Variants in VAV2 observed in about 807,000 individuals in gnomAD.
VAV2 encodes the protein vav guanine nucleotide exchange factor 2.
Under a neutral mutation model 132.5 loss-of-function variants are expected in VAV2, and 67 were observed. The ratio of observed to expected loss-of-function variants is 0.51; its 90% CI spans 0.42 to 0.62. VAV2 has a LOEUF of 0.62. Ranked by LOEUF, VAV2 falls within the 20% of genes least tolerant of loss-of-function variation. The probability of loss-of-function intolerance (pLI) is 0.00; values close to 1 mark genes in which losing one functional copy is unlikely to be tolerated. For synonymous variants in VAV2, 492 were observed against 443.5 expected (o/e 1.11, Z -1.37); for missense variants, 938 against 1,153.6 (o/e 0.81, Z 2.71).
rs772588253 is a variant in VAV2 at position 133,776,056 on chromosome 9, G to A, written c.1990C>T (p.Arg664Trp). 6.6e-5 allele frequency: 106 copies of A among 1,613,024 alleles called. No homozygotes were observed. Among genetic ancestry groups the A allele is most frequent in the Non-Finnish European group, 6.5e-5 (77 of 1,179,716 alleles). Reference protein sequence around the residue: ...GRPPISRPPSREIDYTAYPWF... With the variant: ...GRPPISRPPSWEIDYTAYPWF... The stretch of plus-strand genomic sequence containing the variant: ...GGGTATGCAGTGTAGTCGATCTCCC[G>A]GGATGGCGGCCGGCTGATGGGCGGC... Residue 664 changes from arginine (R) to tryptophan (W), a missense_variant, in exon 24 of 30, where the codon CGG becomes TGG. Coordinates refer to ENST00000371850, the MANE Select transcript of VAV2 (RefSeq NM_001134398.2).
chr9:133,947,810 G>C (rs1047132299), intron 1 of VAV2, among the ~76,000 whole-genome samples: 2 of 151,206 alleles, frequency 1.3e-5, no homozygotes, highest in Non-Finnish European at 2.9e-5. Context: ...GTGTGTGTGA[G>C]ACAGAGTCTC....
At chr9:133,852,835 G>A (rs1489093174) in intron 3 of VAV2, among the ~76,000 whole-genome samples, 2 of 151,992 alleles carry the variant, frequency 1.3e-5, no homozygotes, top group South Asian at 2.1e-4. Context: ...ACTCGGCTAG[G>A]GGTGCAGGGT....
chr9:133,953,911 A>T (rs1841653028), intron 1 of VAV2, among the ~76,000 whole-genome samples: 1 of 151,906 alleles, frequency 6.6e-6, no homozygotes, highest in Non-Finnish European at 1.5e-5. Context: ...TCTGCAGAAA[A>T]ACCCACTGCT....
chr9:133,937,762 G>A (rs1412830506), intron 2 of VAV2, among the ~76,000 whole-genome samples: 4 of 152,206 alleles, frequency 2.6e-5, no homozygotes, highest in Admixed American at 2.6e-4. Context: ...CAGCCCAGCA[G>A]GCAAGCCCCT....
At chr9:133,925,352 G>C (rs1410679374) in intron 2 of VAV2, among the ~76,000 whole-genome samples, 1 of 152,190 alleles carries the variant, frequency 6.6e-6, no homozygotes, top group East Asian at 1.9e-4. Context: ...AAGTAGCTGG[G>C]ATTACAGGTG....
intron 3 of VAV2, among the ~76,000 whole-genome samples, chr9:133,848,906 C>G (rs1041824481): frequency 2.0e-5 from 3 of 152,364 alleles, no homozygotes; most frequent in Admixed American, 2.0e-4. Flanking sequence ...ACCACCATGC[C>G]AAGACGTCAT....
In VAV2 at chr9:133,879,425, C is replaced by A. The variant is rs1244455238; in HGVS notation, c.322-17993G>T. On this transcript the variant is annotated intron_variant, in intron 2 of 29. Transcript: ENST00000371850. The surrounding 1 kb of genome is among the most constrained non-coding windows in gnomAD (Gnocchi z 4.4). ...GGAGATGTCCAGGAATCAGAGAAGGCCCTCTGGAGGGGCTGCTGTCACCTT... is the reference window on the plus strand; with the variant it reads ...GGAGATGTCCAGGAATCAGAGAAGGACCTCTGGAGGGGCTGCTGTCACCTT... Among the ~76,000 whole-genome samples the A allele has an allele frequency of 6.6e-6, 1 of 152,122 alleles. No homozygotes were observed. The highest frequency in any genetic ancestry group is 6.5e-5 in the Admixed American group (1 of 15,276).
intron 2 of VAV2, among the ~76,000 whole-genome samples, chr9:133,927,011 C>A (rs1175849047): frequency 6.6e-6 from 1 of 152,182 alleles, no homozygotes; most frequent in Non-Finnish European, 1.5e-5. Context: ...TCACAGACAC[C>A]CGCAGCACTT....
rs1238644813 is a variant in VAV2, at chr9:133,768,298, T to G, written c.2589+144A>C. On this transcript the variant is annotated intron_variant, in intron 29 of 29. Coordinates refer to ENST00000371850, the MANE Select transcript of VAV2 (RefSeq NM_001134398.2). The surrounding 1 kb of genome is among the most constrained non-coding windows in gnomAD (Gnocchi z 5.3). ...CCCTGTGAATGCCAACCTTCTGGGC[T>G]GCTGTGAGGATGAGGGAGATTGCAG... is the stretch of plus-strand genomic sequence containing the variant. 2 of 1,186,578 alleles carry G rather than the reference T, an allele frequency of 1.7e-6. No individual in the cohort carries two copies. Among genetic ancestry groups the G allele is most frequent in the Non-Finnish European group, 2.3e-6 (2 of 865,888 alleles). 73.5% of individuals were successfully genotyped at this position (1,186,578 alleles called of 1,614,324 possible). A position where few individuals can be genotyped will look rare whatever the true frequency, so the allele number is the denominator to read the frequency against.
At chr9:133,898,681 T>C (rs992815382) in intron 2 of VAV2, among the ~76,000 whole-genome samples, 1 of 152,202 alleles carries the variant, frequency 6.6e-6, no homozygotes, top group South Asian at 2.1e-4. Context: ...GTAGCTGGAC[T>C]TTTTATGTGG....
intron 1 of VAV2, among the ~76,000 whole-genome samples, chr9:133,945,308 T>G (rs1841319463): frequency 6.6e-6 from 1 of 152,070 alleles, no homozygotes; most frequent in African/African-American, 2.4e-5. Context: ...AGGCACTGAG[T>G]GTAGGAGCCC....
intron 1 of VAV2, among the ~76,000 whole-genome samples, chr9:133,957,411 G>C (rs1015497427): frequency 4.6e-5 from 7 of 152,146 alleles, no homozygotes; most frequent in African/African-American, 1.7e-4. Flanking sequence ...TTGACTCTGG[G>C]TTTTTAGGGG....
chr9:133,949,563 G>C (rs1455682756), intron 1 of VAV2, among the ~76,000 whole-genome samples: 16 of 152,152 alleles, frequency 1.1e-4, no homozygotes, highest in African/African-American at 3.6e-4. Flanking sequence ...CTCTGTACCT[G>C]CCCCCTCGAA....
rs201221413 is a variant in VAV2, at chr9:133,944,449, T to TG, written c.205-5231dup. Among the ~76,000 whole-genome samples, 13 of 152,230 alleles carry TG rather than the reference T, an allele frequency of 8.5e-5. No homozygotes were observed. In the East Asian group the frequency reaches 2.5e-3, roughly 29 times the overall value. ...TGGGGAGCTGCAGTTTGAACACAGG[T>TG]GGCTTGGCCATCGACCCCTGGGCAA... On this transcript the variant is annotated intron_variant, in intron 1 of 29. Coordinates refer to ENST00000371850, the MANE Select transcript of VAV2 (RefSeq NM_001134398.2).
rs574316061 is a variant in VAV2, at chr9:133,880,731, G to A, written c.322-19299C>T. Among the ~76,000 whole-genome samples, 20 of 152,346 alleles carry A rather than the reference G, an allele frequency of 1.3e-4. No homozygotes were observed. In the South Asian group the frequency reaches 1.4e-3, roughly 11 times the overall value. Reference sequence around the variant, plus strand: ...CAAAGCACCAACTACTGTGAGGTATGGATGGGGGACCCGGGTGTGGAATAC... The same window carrying A: ...CAAAGCACCAACTACTGTGAGGTATAGATGGGGGACCCGGGTGTGGAATAC... On this transcript the variant is annotated intron_variant, in intron 2 of 29. Coordinates refer to ENST00000371850, the MANE Select transcript of VAV2 (RefSeq NM_001134398.2).
In VAV2 at chr9:133,853,625, C is replaced by A. The variant is rs142334209; in HGVS notation, c.380+7749G>T. Among the ~76,000 whole-genome samples, 26 of 152,216 alleles carry A rather than the reference C, an allele frequency of 1.7e-4. No homozygotes were observed. In the South Asian group the frequency reaches 2.5e-3, roughly 15 times the overall value. On this transcript the variant is annotated intron_variant, in intron 3 of 29. Transcript: ENST00000371850. ...ACAGCCAACCCACACATGCCGCCCC[C>A]CTTTGCTGCACCAAAGCGCTTCCCC...
chr9:133,799,027 A>C (rs116178060), intron 9 of VAV2, among the ~76,000 whole-genome samples: 1 of 152,072 alleles, frequency 6.6e-6, no homozygotes, highest in African/African-American at 2.4e-5. Context: ...GCCGTAGGGC[A>C]CCCGGCCTGG....
chr9:133,819,447 T>C (rs1835700429), intron 4 of VAV2, among the ~76,000 whole-genome samples: 1 of 132,380 alleles, frequency 7.6e-6, no homozygotes, highest in Non-Finnish European at 1.6e-5. Flanking sequence ...AGGCTCCGTC[T>C]CAAAAAAAAA....
At chr9:133,897,065 G>T (rs1201186648) in intron 2 of VAV2, among the ~76,000 whole-genome samples, 1 of 152,190 alleles carries the variant, frequency 6.6e-6, no homozygotes, top group Non-Finnish European at 1.5e-5. Flanking sequence ...CTGCACTCCA[G>T]CCTGGGCGAC....
Sources: gnomAD v4.1 joint callset for allele counts (sites outside exome capture counted in the v4.1 genomes callset) on GRCh38, gnomAD v4.1.1 for gene constraint, Gnocchi (gnomAD v3.1) non-coding constraint, MANE v1.5 for transcripts, NCBI Gene and HGNC (gene_info 2026-07-23, HGNC 2026-07-21) for gene names.